Variants in SPRED1 observed in about 807,000 individuals in gnomAD.
SPRED1 encodes the protein sprouty related EVH1 domain containing 1, also known as sprouty-related, EVH1 domain-containing protein 1.
Under a neutral mutation model 52.3 loss-of-function variants are expected in SPRED1, and 18 were observed. That is an observed-to-expected ratio of 0.34 (90% CI 0.24 to 0.51). The LOEUF is 0.51. Among genes scored for constraint, SPRED1 ranks in the 20% least tolerant of loss-of-function variants. SPRED1 has a pLI of 0.97. For synonymous variants in SPRED1, 155 were observed against 179.7 expected, an observed-to-expected ratio of 0.86 and a Z score of 1.10; for missense variants, 485 against 551.0, an observed-to-expected ratio of 0.88 and a Z score of 1.20.
chr15:38,318,061 C>G (rs1328237705), intron 2 of SPRED1, among the ~76,000 whole-genome samples: 1 of 151,948 alleles, frequency 6.6e-6, no homozygotes, highest in Non-Finnish European at 1.5e-5. Context: ...ATAGACTGTT[C>G]TAGGAGGCAT....
At chr15:38,289,585 G>A (rs8033561) in intron 1 of SPRED1, among the ~76,000 whole-genome samples, 125,442 of 152,026 alleles carry the variant, frequency 0.83, 52,517 homozygotes, top group Non-Finnish European at 0.9. Context: ...GGATGAACCT[G>A]GGCTAATCAC....
chr15:38,263,093 T>TG (rs1447367157), intron 1 of SPRED1, among the ~76,000 whole-genome samples: 1 of 152,158 alleles, frequency 6.6e-6, no homozygotes. Flanking sequence ...TTGGAACTAT[T>TG]GGGGACTCAT....
Position 38,354,885 on chromosome 15 carries a change from A to T in SPRED1, c.*3221A>T, listed in dbSNP as rs952341384. ...GTCAGGGAGAATTTTTAAAAATAATAATCAAAACATGAAAAAACATAATCA... is the reference window on the plus strand; with the variant it reads ...GTCAGGGAGAATTTTTAAAAATAATTATCAAAACATGAAAAAACATAATCA... On this transcript the variant is annotated 3_prime_UTR_variant, in exon 7 of 7. Coordinates refer to ENST00000299084, the MANE Select transcript of SPRED1 (RefSeq NM_152594.3). The T allele has an allele frequency of 6.6e-6, 1 of 152,220 alleles. No individual in the cohort carries two copies. The highest frequency in any genetic ancestry group is 1.5e-5 in the Non-Finnish European group (1 of 68,042). 9.4% of individuals were successfully genotyped at this position (152,220 alleles called of 1,614,324 possible). A position where few individuals can be genotyped will look rare whatever the true frequency, so the allele number is the denominator to read the frequency against.
chr15:38,257,190 G>C (rs1312444523), intron 1 of SPRED1, among the ~76,000 whole-genome samples: 1 of 151,736 alleles, frequency 6.6e-6, no homozygotes, highest in African/African-American at 2.4e-5. Context: ...TCTGTACTTC[G>C]TACATATGTA....
At chr15:38,332,918 G>A (rs554260786) in intron 4 of SPRED1, among the ~76,000 whole-genome samples, 1 of 152,234 alleles carries the variant, frequency 6.6e-6, no homozygotes, top group Admixed American at 6.5e-5. Context: ...CCACTTTCAG[G>A]TTCATAAGTG....
At chr15:38,334,021 C>A (rs1895858950) in intron 4 of SPRED1, among the ~76,000 whole-genome samples, 1 of 151,694 alleles carries the variant, frequency 6.6e-6, no homozygotes, top group Non-Finnish European at 1.5e-5. Context: ...TTGAGTTAAC[C>A]CATGTAAAGT....
chr15:38,314,589 C>T (rs1204836498), intron 2 of SPRED1, among the ~76,000 whole-genome samples: 2 of 151,788 alleles, frequency 1.3e-5, no homozygotes, highest in African/African-American at 4.8e-5. Context: ...TACTTTCTCA[C>T]CTCATTTATT....
At position 38,287,026 on chromosome 15, in the gene SPRED1, ATT is replaced by A. The variant is rs371025533; in HGVS notation, c.33-12345_33-12344del. ...AGGGAAGGTATAGAATCTTTTTTGT[ATT>A]TGTTTCCCATCACACATGTCTTATG... is the stretch of plus-strand genomic sequence containing the variant. On this transcript the variant is annotated intron_variant, in intron 1 of 6. Coordinates refer to ENST00000299084, the MANE Select transcript of SPRED1 (RefSeq NM_152594.3). 1.4e-3 allele frequency among the ~76,000 whole-genome samples: 215 copies of A among 152,164 alleles called. 3 individuals carry two copies. The East Asian group carries it at 0.015, about 11-fold the overall frequency.
intron 2 of SPRED1, among the ~76,000 whole-genome samples, chr15:38,309,098 A>G (rs899816166): frequency 6.6e-6 from 1 of 152,024 alleles, no homozygotes; most frequent in African/African-American, 2.4e-5. Context: ...TTTTCATTTG[A>G]TTATTTGTAC....
chr15:38,271,922 A>G (rs896023009), intron 1 of SPRED1, among the ~76,000 whole-genome samples: 2 of 152,072 alleles, frequency 1.3e-5, no homozygotes, highest in Non-Finnish European at 2.9e-5. Flanking sequence ...CCTGCCATAT[A>G]GTAGTCCCCA....
At position 38,253,215 on chromosome 15, in the gene SPRED1, C is replaced by A. The variant is rs201692618; in HGVS notation, c.30C>A (p.Asn10Lys). MSEETATSD[N>K]DNSYARVRAV... The stretch of plus-strand genomic sequence containing the variant: ...GCGAGGAGACGGCGACTTCTGACAA[C>A]GAGTAAGCGCCTCATTGATCTCGAT... Residue 10 changes from asparagine (N) to lysine (K), a missense_variant and splice_region_variant, in exon 1 of 7, where the codon AAC (asparagine) becomes AAA (lysine). Physicochemically the swap from Asn to Lys is moderately conservative, Grantham distance 94. Coordinates refer to ENST00000299084, the MANE Select transcript of SPRED1 (RefSeq NM_152594.3). The A allele has an allele frequency of 3.4e-4, 543 of 1,576,894 alleles. 1 individual carries two copies. The highest frequency in any genetic ancestry group is 1.7e-4 in the Middle Eastern group (1 of 6,020).
chr15:38,272,655 G>C (rs1894463567), intron 1 of SPRED1, among the ~76,000 whole-genome samples: 2 of 152,172 alleles, frequency 1.3e-5, no homozygotes, highest in Admixed American at 1.3e-4. Flanking sequence ...TCCCAGCATT[G>C]TGTAAGTGTT....
chr15:38,315,322 A>C (rs972889158), intron 2 of SPRED1, among the ~76,000 whole-genome samples: 1 of 151,972 alleles, frequency 6.6e-6, no homozygotes, highest in African/African-American at 2.4e-5. Context: ...ATAATTATCT[A>C]CTCGTAAGAT....
intron 1 of SPRED1, 78 bp from the exon 2 acceptor site, chr15:38,299,295 G>C (rs781022987): frequency 6.8e-7 from 1 of 1,475,960 alleles, no homozygotes; most frequent in Admixed American, 1.7e-5. Context: ...GTGTTCTTTG[G>C]TTTCTCAAAC....
At chr15:38,316,085 G>T (rs2140990179) in intron 2 of SPRED1, among the ~76,000 whole-genome samples, 1 of 152,014 alleles carries the variant, frequency 6.6e-6, no homozygotes, top group Admixed American at 6.6e-5. Context: ...TTCCTGGCCT[G>T]TTCTATTTTT....
intron 4 of SPRED1, among the ~76,000 whole-genome samples, chr15:38,325,606 T>C (rs1445712909): frequency 6.6e-6 from 1 of 152,156 alleles, no homozygotes; most frequent in Non-Finnish European, 1.5e-5. Context: ...TTCTTATGCC[T>C]TTCAACTAAT....
rs1328413510 is a variant in SPRED1 at position 38,352,340 on chromosome 15, T to A, written c.*676T>A. On this transcript the variant is annotated 3_prime_UTR_variant, in exon 7 of 7. Coordinates refer to ENST00000299084, the MANE Select transcript of SPRED1 (RefSeq NM_152594.3). ...TTATTCCATGCGAATGATTTGATAT[T>A]TTCATCCTTATTTCTCTTTGGCTAC... is the stretch of plus-strand genomic sequence containing the variant. 1.3e-5 allele frequency: 2 copies of A among 152,472 alleles called. No individual in the cohort carries two copies. The highest frequency in any genetic ancestry group is 6.6e-5 in the Admixed American group (1 of 15,244). 9.4% of individuals were successfully genotyped at this position (152,472 alleles called of 1,614,324 possible).
In SPRED1 at chr15:38,350,997, A is replaced by G. The variant is rs1223645192; in HGVS notation, c.685-17A>G. The G allele has an allele frequency of 8.1e-6, 13 of 1,608,746 alleles. No individual in the cohort carries two copies. The highest frequency in any genetic ancestry group is 2.2e-5 in the South Asian group (2 of 90,624). ...CATCATAGCCCTCATTGCAGTTTTT[A>G]TCTGTTTCTTTTTTAGGTCCCTTTG... On this transcript the variant is annotated splice_polypyrimidine_tract_variant and intron_variant, in intron 6 of 6. Coordinates refer to ENST00000299084, the MANE Select transcript of SPRED1 (RefSeq NM_152594.3).
At chr15:38,336,764 T>TA (rs1326080896) in intron 4 of SPRED1, among the ~76,000 whole-genome samples, 1 of 151,784 alleles carries the variant, frequency 6.6e-6, no homozygotes, top group Non-Finnish European at 1.5e-5. Flanking sequence ...ATAAGAATGA[T>TA]ATGTTGGACT....
Sources: allele counts gnomAD v4.1 joint callset (sites outside exome capture counted in the v4.1 genomes callset), GRCh38; gene constraint gnomAD v4.1.1; transcripts MANE v1.5; gene names NCBI Gene and HGNC (gene_info 2026-07-23, HGNC 2026-07-21).